Variants in DAB1 observed in about 807,000 individuals in gnomAD.
DAB1 encodes the protein disabled homolog 1.
A neutral mutation model predicts 64.6 loss-of-function variants in DAB1; 15 were observed. The ratio of observed to expected loss-of-function variants is 0.23; its 90% CI spans 0.16 to 0.36. DAB1 has a LOEUF of 0.36. Among genes scored for constraint, DAB1 ranks in the 10% least tolerant of loss-of-function variants. The pLI, the probability that DAB1 is intolerant of heterozygous loss-of-function variation, is 1.00. For missense variants in DAB1, 596 were observed against 706.7 expected (o/e 0.84, Z 1.78); for synonymous variants, 235 against 251.9 (o/e 0.93, Z 0.64).
intron 1 of DAB1, among the ~76,000 whole-genome samples, chr1:57,854,118 G>T (rs1253057280): frequency 1.3e-5 from 2 of 152,094 alleles, no homozygotes; most frequent in Non-Finnish European, 2.9e-5. Context: ...AATGATACTG[G>T]AACTCTTAAG....
intron 5 of DAB1, chr1:58,056,022 G>T: frequency 1.3e-6 from 1 of 761,100 alleles, no homozygotes. Context: ...CCAGGTGTGA[G>T]CCACCGTGCC....
At position 58,385,673 on chromosome 1, in the gene DAB1, G is replaced by A. The variant is rs1644426981; in HGVS notation, n.258-42270C>T. Among the ~76,000 whole-genome samples the A allele has an allele frequency of 3.9e-5, 6 of 152,194 alleles. No homozygotes were observed. In the South Asian group the frequency reaches 1.2e-3, roughly 31 times the overall value. On this transcript the variant is annotated intron_variant and non_coding_transcript_variant, in intron 3 of 20. Coordinates refer to the DAB1 transcript ENST00000485760. Reference sequence around the variant, plus strand: ...ATTTTATCATTCATTTTTAAACACAGATATTGTCCTAATGGACCCAGGATG... The same window carrying A: ...ATTTTATCATTCATTTTTAAACACAAATATTGTCCTAATGGACCCAGGATG...
upstream of DAB1, chr1:57,884,291 G>A (rs1644190540): frequency 1.3e-5 from 2 of 152,226 alleles, no homozygotes; most frequent in Admixed American, 6.5e-5. Context: ...AAGTGTGCAT[G>A]GTACATGTAG....
intron 6 of DAB1, among the ~76,000 whole-genome samples, chr1:57,728,848 T>C (rs551793405): frequency 1.7e-3 from 260 of 152,308 alleles, no homozygotes; most frequent in Non-Finnish European, 2.9e-3. Flanking sequence ...GGATCAATAA[T>C]GGCACTCCCA....
At chr1:57,092,357 C>T (rs1653763906) in intron 4 of DAB1, among the ~76,000 whole-genome samples, 2 of 151,972 alleles carry the variant, frequency 1.3e-5, no homozygotes, top group South Asian at 4.1e-4. Context: ...CCCATAAATC[C>T]CCATGTGTTG....
intron 1 of DAB1, among the ~76,000 whole-genome samples, chr1:57,302,154 C>G (rs1673715071): frequency 1.3e-5 from 2 of 151,948 alleles, no homozygotes; most frequent in South Asian, 4.1e-4. Context: ...GGGAAGCAAC[C>G]CAATTTCCAC....
intron 9 of DAB1, among the ~76,000 whole-genome samples, chr1:57,042,823 G>A (rs965117192): frequency 2.0e-5 from 3 of 151,852 alleles, no homozygotes; most frequent in African/African-American, 4.8e-5. Context: ...GTATGTGCAT[G>A]CATGCACACA....
intron 5 of DAB1, among the ~76,000 whole-genome samples, chr1:57,894,292 A>G (rs1644360398): frequency 6.6e-6 from 1 of 152,164 alleles, no homozygotes; most frequent in South Asian, 2.1e-4. Flanking sequence ...TCTGTCCCTC[A>G]GTCAAATTCT....
At position 58,275,469 on chromosome 1, in the gene DAB1, CA is replaced by C. The variant is rs573990602; in HGVS notation, n.309+67882del. ...ATTCAGAATATATAAAGAACTCCTG[CA>C]ACTCAACAACAAAAAAACAAATAAA... On this transcript the variant is annotated intron_variant and non_coding_transcript_variant, in intron 4 of 20. Coordinates refer to the DAB1 transcript ENST00000485760. 3.2e-3 allele frequency among the ~76,000 whole-genome samples: 490 copies of C among 152,156 alleles called. 2 individuals are homozygous for C. The highest frequency in any genetic ancestry group is 5.2e-3 in the Non-Finnish European group (354 of 67,996).
intron 2 of DAB1, among the ~76,000 whole-genome samples, chr1:57,281,793 G>A (rs78253176): frequency 0.022 from 3,298 of 152,170 alleles, 103 homozygotes; most frequent in African/African-American, 0.073. Flanking sequence ...AACTACCTTC[G>A]GGGACGGGGG....
rs1553144210 is a variant in DAB1 at position 57,116,480 on chromosome 1, A to AAG, written c.306+20062_306+20063insCT. ...CTGTCTCAAAAAAAAAAAAAAAAAA[A>AAG]AAAGAAAGAAAGCAGGTTGGGAGAA... On this transcript the variant is annotated intron_variant, in intron 4 of 14. Transcript: ENST00000371236. Among the ~76,000 whole-genome samples, 18 of 131,320 alleles carry AAG rather than the reference A, an allele frequency of 1.4e-4. No homozygotes were observed. The East Asian group carries it at 3.1e-3, about 23-fold the overall frequency. 86.2% of individuals were successfully genotyped at this position (131,320 alleles called of 152,430 possible).
At chr1:57,980,219 C>A (rs944826749) in intron 5 of DAB1, among the ~76,000 whole-genome samples, 14 of 152,114 alleles carry the variant, frequency 9.2e-5, no homozygotes, top group Non-Finnish European at 1.9e-4. Flanking sequence ...CTACCACACA[C>A]TCTCAGTAAT....
chr1:57,561,141 C>A (rs1645046038), intron 7 of DAB1, among the ~76,000 whole-genome samples: 1 of 152,178 alleles, frequency 6.6e-6, no homozygotes, highest in African/African-American at 2.4e-5. Context: ...TGCCTCCTCT[C>A]CCCCAGCCTG....
intron 2 of DAB1, among the ~76,000 whole-genome samples, chr1:57,182,078 G>C (rs980093511): frequency 6.6e-6 from 1 of 152,040 alleles, no homozygotes; most frequent in African/African-American, 2.4e-5. Context: ...ATAGAGACGG[G>C]GTTTCACCGT....
chr1:58,224,174 G>A (rs1183217090), intron 4 of DAB1, among the ~76,000 whole-genome samples: 1 of 152,190 alleles, frequency 6.6e-6, no homozygotes, highest in African/African-American at 2.4e-5. Context: ...ATTATAGGAT[G>A]TTTGTCCTTG....
At chr1:57,296,365 G>C (rs1347326173) in intron 1 of DAB1, among the ~76,000 whole-genome samples, 1 of 152,054 alleles carries the variant, frequency 6.6e-6, no homozygotes, top group Non-Finnish European at 1.5e-5. Flanking sequence ...CATTAAGAGG[G>C]CCTAGGAGCA....
At chr1:57,223,479 A>C (rs1373200194) in intron 2 of DAB1, among the ~76,000 whole-genome samples, 1 of 152,110 alleles carries the variant, frequency 6.6e-6, no homozygotes, top group Non-Finnish European at 1.5e-5. Flanking sequence ...CTCCCCTTTG[A>C]ACTACCAGTG....
chr1:58,345,569 G>T (rs917337280), intron 3 of DAB1, among the ~76,000 whole-genome samples: 1 of 152,116 alleles, frequency 6.6e-6, no homozygotes, highest in Non-Finnish European at 1.5e-5. Context: ...GGGCTGTCAG[G>T]TATCCTCCTC....
intron 5 of DAB1, among the ~76,000 whole-genome samples, chr1:58,141,323 G>A (rs561989385): frequency 2.0e-5 from 3 of 152,270 alleles, no homozygotes; most frequent in Admixed American, 6.5e-5. Flanking sequence ...GCAAGAGAGC[G>A]TGTGTAGGGG....
Sources: gnomAD v4.1 joint callset for allele counts (sites outside exome capture counted in the v4.1 genomes callset) on GRCh38, gnomAD v4.1.1 for gene constraint, MANE v1.5 for transcripts, NCBI Gene and HGNC (gene_info 2026-07-23, HGNC 2026-07-21) for gene names.